The following DHX8 variants were observed in gnomAD, a reference collection of about 807,000 sequenced individuals.
DHX8 encodes DEAH-box helicase 8.
DHX8 carries 67 observed loss-of-function variants against 140.7 expected under a neutral mutation model. The observed-to-expected ratio is 0.48, with a 90% CI of 0.39 to 0.58. The LOEUF is 0.58. DHX8 is among the 20% of genes least tolerant of loss of function. The pLI is 0.00. For missense variants in DHX8, 887 were observed against 1,550.7 expected, an observed-to-expected ratio of 0.57 and a Z score of 7.19; for synonymous variants, 533 against 553.2, an observed-to-expected ratio of 0.96 and a Z score of 0.51.
At chr17:43,490,978 G>A (rs1214763522) in intron 3 of DHX8, among the ~76,000 whole-genome samples, 187 bp from the exon 4 acceptor site, 1 of 152,104 alleles carries the variant, frequency 6.6e-6, no homozygotes. Context: ...TTTCGAGATA[G>A]TTTGTGATCA....
chr17:43,496,130 A>T (rs758044618), intron 8 of DHX8, 51 bp from the exon 9 acceptor site: 12 of 1,459,056 alleles, frequency 8.2e-6, no homozygotes, highest in Non-Finnish European at 1.1e-5. Flanking sequence ...AAACAAAAAA[A>T]AAGTTTTGAT....
chr17:43,517,733 G>T, intron 18 of DHX8: 1 of 156,504 alleles, frequency 6.4e-6, no homozygotes, highest in Non-Finnish European at 1.4e-5. Flanking sequence ...GGAACTGTCA[G>T]TACAGATTTC....
At chr17:43,536,080 C>T (rs1971229403) in intron 2 of DHX8, among the ~76,000 whole-genome samples, 1 of 152,158 alleles carries the variant, frequency 6.6e-6, no homozygotes, top group South Asian at 2.1e-4. Flanking sequence ...CACTGCACTC[C>T]AGCCTGGGTG....
chr17:43,533,827 C>T (rs1971091234), intron 2 of DHX8: 1 of 1,605,932 alleles, frequency 6.2e-7, no homozygotes, highest in African/African-American at 1.3e-5. Flanking sequence ...AACCCTTCTC[C>T]TACCCTTCAC....
At chr17:43,536,561 T>C (rs949569073) in intron 3 of DHX8, 3 of 1,243,494 alleles carry the variant, frequency 2.4e-6, no homozygotes, top group Non-Finnish European at 3.5e-6. Context: ...CCCTGCAGAT[T>C]AGCAACAGCC....
intron 3 of DHX8, among the ~76,000 whole-genome samples, chr17:43,538,341 A>G (rs189087679): frequency 6.6e-6 from 1 of 152,266 alleles, no homozygotes; most frequent in African/African-American, 2.4e-5. Context: ...GGAGGATGAC[A>G]GTGGGAGAGC....
intron 15 of DHX8, 51 bp from the exon 16 acceptor site, chr17:43,508,288 G>A: frequency 6.4e-7 from 1 of 1,568,548 alleles, no homozygotes; most frequent in Middle Eastern, 1.7e-4. Context: ...CCCTTGTATA[G>A]GACACACATA....
intron 4 of DHX8, among the ~76,000 whole-genome samples, chr17:43,491,861 A>G (rs140231803): frequency 2.0e-5 from 3 of 152,336 alleles, no homozygotes; most frequent in African/African-American, 7.2e-5. Context: ...AAGAGTGCAG[A>G]GGGAGAGTTG....
intron 2 of DHX8, chr17:43,532,554 A>C: frequency 1.1e-6 from 1 of 904,940 alleles, no homozygotes; most frequent in Non-Finnish European, 1.7e-6. Flanking sequence ...GAAGAAAAAA[A>C]GTGGGTGGGT....
chr17:43,484,046 G>A lies in DHX8; in HGVS notation c.9G>A (p.Val3=), dbSNP rs1400305643. 2 of 1,614,032 alleles carry A rather than the reference G, an allele frequency of 1.2e-6. No individual in the cohort carries two copies. Among genetic ancestry groups the A allele is most frequent in the Non-Finnish European group, 1.7e-6 (2 of 1,179,918 alleles). The change falls in exon 1 of 23, where the codon GTG becomes GTA. Residue 3 remains valine, a synonymous_variant. Coordinates refer to ENST00000262415, the MANE Select transcript of DHX8 (RefSeq NM_004941.3). MA[V]AVAMAGALIG... ...CTGGGCAAGCTATAGCCATGGCTGT[G>A]GCTGTAGCCATGGCGGGAGCCTTAA...
downstream of DHX8, among the ~76,000 whole-genome samples, chr17:43,544,622 T>C (rs1414469382): frequency 6.6e-6 from 1 of 152,164 alleles, no homozygotes; most frequent in Non-Finnish European, 1.5e-5. Flanking sequence ...ACATGCACCT[T>C]GGCCTGGCGG....
chr17:43,543,995 G>A (rs1374554903), intron 3 of DHX8: 1 of 152,164 alleles, frequency 6.6e-6, no homozygotes, highest in Non-Finnish European at 1.5e-5. Flanking sequence ...CCAGGGTGGA[G>A]GGATGAGGAG....
intron 3 of DHX8, among the ~76,000 whole-genome samples, chr17:43,541,271 G>A (rs917308679): frequency 3.9e-5 from 6 of 152,232 alleles, no homozygotes; most frequent in Admixed American, 6.5e-5. Context: ...TGAGCCTCGC[G>A]TTCCTGGAGA....
downstream of DHX8, chr17:43,530,397 G>A (rs1290017207): frequency 1.4e-6 from 2 of 1,430,508 alleles, no homozygotes; most frequent in East Asian, 5.1e-5. Context: ...GAGGGCTGCG[G>A]CTGAGGCCAT....
chr17:43,520,547 T>C (rs979537054), intron 19 of DHX8, among the ~76,000 whole-genome samples: 5 of 152,228 alleles, frequency 3.3e-5, no homozygotes, highest in Admixed American at 2.0e-4. Flanking sequence ...ACAGTAGTTA[T>C]ATGCTTGGTC....
rs1344224366 is a variant in DHX8, at chr17:43,493,675, T to C, written c.1009-8T>C. 1 of 1,614,224 alleles carries C rather than the reference T, an allele frequency of 6.2e-7. No individual in the cohort carries two copies. The highest frequency in any genetic ancestry group is 2.2e-5 in the East Asian group (1 of 44,890). On this transcript the variant is annotated splice_polypyrimidine_tract_variant and splice_region_variant and intron_variant, in intron 7 of 22. Transcript: ENST00000262415. ...AAGTGAGACAGCTCCCTTGTTTTTG[T>C]GCCTTAGGATGTGGATCAAGAGACT...
chr17:43,492,385 A>C, intron 5 of DHX8, 93 bp downstream of exon 5: 1 of 913,322 alleles, frequency 1.1e-6, no homozygotes, highest in Non-Finnish European at 1.8e-6. Context: ...GCAAGTTTAC[A>C]GAATCTGGAC....
Position 43,504,675 on chromosome 17 carries a change from G to A in DHX8, c.1578G>A (p.Arg526=). ...GCAGACAGATTGCTGCCAACATGAGGGGTATTGGGATGATGCCCAATGATA... is the reference window on the plus strand; with the variant it reads ...GCAGACAGATTGCTGCCAACATGAGAGGTATTGGGATGATGCCCAATGATA... ...AEGRQIAANM[R]GIGMMPNDIP... is the part of the protein sequence containing the mutation. Residue 526 remains arginine, a synonymous_variant, in exon 12 of 23, where the codon AGG becomes AGA. Transcript: ENST00000262415. The A allele has an allele frequency of 4.3e-6, 7 of 1,612,830 alleles. No individual in the cohort carries two copies. The highest frequency in any genetic ancestry group is 5.9e-6 in the Non-Finnish European group (7 of 1,179,552).
chr17:43,543,415 TC>T (rs1410410609), intron 3 of DHX8, among the ~76,000 whole-genome samples: 4 of 151,552 alleles, frequency 2.6e-5, no homozygotes, highest in African/African-American at 9.7e-5. Context: ...TTCCTCCCCC[TC>T]CCATCTCAAA....
Sources: gnomAD v4.1 joint callset for allele counts (sites outside exome capture counted in the v4.1 genomes callset) on GRCh38, gnomAD v4.1.1 for gene constraint, MANE v1.5 for transcripts, NCBI Gene and HGNC (gene_info 2026-07-23, HGNC 2026-07-21) for gene names.